The following PID1 variants were observed in gnomAD, a reference collection of about 807,000 sequenced individuals.
The protein encoded by PID1 is phosphotyrosine interaction domain containing 1.
A neutral mutation model predicts 19.1 loss-of-function variants in PID1; 10 were observed. The ratio of observed to expected loss-of-function variants is 0.52; its 90% CI spans 0.32 to 0.89. The LOEUF (loss-of-function observed/expected upper bound fraction) is 0.89. Ranked by LOEUF, PID1 falls within the 40% of genes least tolerant of loss-of-function variation. PID1 has a pLI of 0.03. For synonymous variants in PID1, 130 were observed against 116.0 expected (o/e 1.12, Z -0.78); for missense variants, 248 against 285.3 (o/e 0.87, Z 0.94).
At chr2:229,188,973 T>G (rs1691196846) in intron 1 of PID1, among the ~76,000 whole-genome samples, 1 of 152,170 alleles carries the variant, frequency 6.6e-6, no homozygotes, top group African/African-American at 2.4e-5. Context: ...AACGGCTCCT[T>G]AAGTGCTCCT....
chr2:229,181,089 AC>A (rs1690935224), intron 1 of PID1, among the ~76,000 whole-genome samples: 1 of 152,026 alleles, frequency 6.6e-6, no homozygotes, highest in Admixed American at 6.6e-5. Context: ...CTCTCGTTCC[AC>A]CTAACGAGAA....
At chr2:229,189,139 T>C (rs1336153873) in intron 1 of PID1, among the ~76,000 whole-genome samples, 2 of 152,138 alleles carry the variant, frequency 1.3e-5, no homozygotes, top group East Asian at 1.9e-4. Flanking sequence ...CTGGGTGTGG[T>C]TGTATAGATT....
chr2:229,128,705 A>C (rs1028912288), intron 2 of PID1, among the ~76,000 whole-genome samples: 11 of 152,204 alleles, frequency 7.2e-5, no homozygotes, highest in Admixed American at 2.0e-4. Flanking sequence ...ATTATTTCTC[A>C]GGGCATTTAT....
At chr2:229,233,000 G>A (rs1692247895) in intron 1 of PID1, among the ~76,000 whole-genome samples, 1 of 151,980 alleles carries the variant, frequency 6.6e-6, no homozygotes, top group Non-Finnish European at 1.5e-5. Context: ...TAAAACAAGT[G>A]AACAAGTGTG....
intron 1 of PID1, among the ~76,000 whole-genome samples, chr2:229,257,593 C>G (rs1361803450): frequency 1.3e-5 from 2 of 152,176 alleles, no homozygotes; most frequent in Non-Finnish European, 2.9e-5. Flanking sequence ...CATTCATCAC[C>G]TCGACAGAGC....
At chr2:229,099,702 T>G (rs1695038256) in intron 2 of PID1, among the ~76,000 whole-genome samples, 1 of 152,194 alleles carries the variant, frequency 6.6e-6, no homozygotes, top group Admixed American at 6.5e-5. Context: ...CTAGAAGACC[T>G]ATCTCTTGGT....
chr2:229,159,631 A>C (rs186158540), intron 1 of PID1, among the ~76,000 whole-genome samples: 5 of 152,256 alleles, frequency 3.3e-5, no homozygotes, highest in African/African-American at 1.2e-4. Context: ...CTCTAAATAT[A>C]GATGTCCTAC....
chr2:229,148,260 C>A (rs963252018), intron 2 of PID1, among the ~76,000 whole-genome samples: 2 of 152,174 alleles, frequency 1.3e-5, no homozygotes, highest in Non-Finnish European at 2.9e-5. Flanking sequence ...TTTGGACCTG[C>A]GGTGAAGAAG....
At chr2:229,042,606 C>T (rs1181083490) in intron 2 of PID1, among the ~76,000 whole-genome samples, 4 of 152,060 alleles carry the variant, frequency 2.6e-5, no homozygotes, top group African/African-American at 9.7e-5. Context: ...GAGAGTGTAT[C>T]CAGGGATTTA....
intron 2 of PID1, among the ~76,000 whole-genome samples, chr2:229,080,981 G>A (rs1295709397): frequency 6.6e-6 from 1 of 152,118 alleles, no homozygotes; most frequent in African/African-American, 2.4e-5. Flanking sequence ...AACCACCCTT[G>A]TTATTGCTGG....
intron 1 of PID1, among the ~76,000 whole-genome samples, chr2:229,267,991 T>C (rs1049247241): frequency 4.6e-5 from 7 of 152,168 alleles, no homozygotes; most frequent in African/African-American, 1.7e-4. Flanking sequence ...ATTTATTCAC[T>C]GTAAAAAGTT....
chr2:229,251,770 C>T (rs983649845), intron 1 of PID1, among the ~76,000 whole-genome samples: 2 of 151,834 alleles, frequency 1.3e-5, no homozygotes, highest in African/African-American at 4.8e-5. Context: ...CAGAAGCAGG[C>T]ATCTGCTAAA....
At chr2:229,154,561 G>A (rs1690326218) in intron 2 of PID1, among the ~76,000 whole-genome samples, 3 of 152,194 alleles carry the variant, frequency 2.0e-5, no homozygotes, top group Admixed American at 2.0e-4. Context: ...AGCACCCAAT[G>A]AGTATGTGTG....
At chr2:229,240,957 C>T (rs1443875002) in intron 1 of PID1, among the ~76,000 whole-genome samples, 1 of 151,980 alleles carries the variant, frequency 6.6e-6, no homozygotes, top group East Asian at 1.9e-4. Context: ...CATTCACTGG[C>T]CTTTTCTTCT....
chr2:229,198,358 GTC>G (rs1354942869), intron 1 of PID1, among the ~76,000 whole-genome samples: 3 of 151,938 alleles, frequency 2.0e-5, no homozygotes, highest in African/African-American at 4.8e-5. Context: ...ACATTTCAAG[GTC>G]TCTGGTACAG....
At chr2:229,151,027 G>C (rs150572441) in intron 2 of PID1, among the ~76,000 whole-genome samples, 3 of 152,130 alleles carry the variant, frequency 2.0e-5, no homozygotes, top group Non-Finnish European at 2.9e-5. Flanking sequence ...GGATGAAAGA[G>C]AGCAGGATGG....
At chr2:229,183,450 G>A (rs1163940808) in intron 1 of PID1, among the ~76,000 whole-genome samples, 1 of 152,168 alleles carries the variant, frequency 6.6e-6, no homozygotes, top group Non-Finnish European at 1.5e-5. Context: ...TGTCTATGAG[G>A]GTGTGTTGGG....
At chr2:229,262,261 A>G (rs1163523722) in intron 1 of PID1, among the ~76,000 whole-genome samples, 4 of 152,210 alleles carry the variant, frequency 2.6e-5, no homozygotes, top group Non-Finnish European at 5.9e-5. Context: ...ATTCCAGCCC[A>G]TAAGTTTCAT....
rs77786413 is a variant in PID1 at position 229,183,980 on chromosome 2, ATATGTATG to A, written c.31-28024_31-28017del. 6.6e-3 allele frequency among the ~76,000 whole-genome samples: 287 copies of A among 43,664 alleles called. 131 individuals are homozygous for A. The highest frequency in any genetic ancestry group is 0.029 in the African/African-American group (279 of 9,484). The allele number at this position is 43,664 out of a possible 152,430, so 28.6% of individuals were successfully genotyped here. A position where few individuals can be genotyped will look rare whatever the true frequency, so the allele number is the denominator to read the frequency against. On this transcript the variant is annotated intron_variant, in intron 1 of 2. Transcript: ENST00000392055. ...TATATATATCCCATATATATATCCC[ATATGTATG>A]TATATATCCCATATATATATCCCAT...
Sources: gnomAD v4.1 joint callset for allele counts (sites outside exome capture counted in the v4.1 genomes callset) on GRCh38, gnomAD v4.1.1 for gene constraint, MANE v1.5 for transcripts, NCBI Gene and HGNC (gene_info 2026-07-23, HGNC 2026-07-21) for gene names.